Variants in WHAMM observed in about 807,000 individuals in gnomAD.
WHAMM encodes WASP homolog associated with actin, golgi membranes and microtubules, also known as WASP homolog-associated protein with actin, membranes and microtubules.
Under a neutral mutation model 76.5 loss-of-function variants are expected in WHAMM, and 67 were observed. That is an observed-to-expected ratio of 0.88 (90% CI 0.72 to 1.07). The LOEUF (loss-of-function observed/expected upper bound fraction) is 1.07. Among genes scored for constraint, WHAMM ranks in the 50% least tolerant of loss-of-function variants. The pLI is 0.00. For missense variants in WHAMM, 1,021 were observed against 1,051.1 expected (o/e 0.97, Z 0.40); for synonymous variants, 419 against 422.1 (o/e 0.99, Z 0.09).
At chr15:82,832,542 G>T (rs1436613271) in intron 9 of WHAMM, among the ~76,000 whole-genome samples, 2 of 152,090 alleles carry the variant, frequency 1.3e-5, no homozygotes, top group Non-Finnish European at 2.9e-5. Context: ...TGATCTAATT[G>T]TGTTTTGACA....
intron 9 of WHAMM, 68 bp from the exon 10 acceptor site, chr15:82,833,161 A>G (rs945847992): frequency 1.4e-4 from 209 of 1,485,764 alleles, no homozygotes; most frequent in Non-Finnish European, 1.8e-4. Context: ...TCACAATTTC[A>G]TAGCAGTAAT....
chr15:82,828,966 T>G (rs1046898762), intron 8 of WHAMM, among the ~76,000 whole-genome samples: 2 of 152,124 alleles, frequency 1.3e-5, no homozygotes, highest in African/African-American at 4.8e-5. Context: ...ATAAGGGAGT[T>G]CTGTGTTTAC....
At chr15:82,820,606 G>C (rs1426277848) in intron 5 of WHAMM, among the ~76,000 whole-genome samples, 1 of 151,946 alleles carries the variant, frequency 6.6e-6, no homozygotes, top group Non-Finnish European at 1.5e-5. Context: ...TTAAAATGAT[G>C]CTCCCAGGCT....
chr15:82,823,682 T>C (rs551480814), intron 6 of WHAMM, among the ~76,000 whole-genome samples: 65 of 152,168 alleles, frequency 4.3e-4, no homozygotes, highest in African/African-American at 1.3e-3. Flanking sequence ...CCTCATGCCT[T>C]AGCCTGCCAA....
At chr15:82,825,286 A>G (rs2050911900) in intron 6 of WHAMM, among the ~76,000 whole-genome samples, 1 of 152,280 alleles carries the variant, frequency 6.6e-6, no homozygotes, top group East Asian at 1.9e-4. Context: ...CATGAGCCCC[A>G]GGAAGACTCT....
intron 6 of WHAMM, 44 bp downstream of exon 6, chr15:82,823,331 G>A (rs2050869515): frequency 7.5e-7 from 1 of 1,332,582 alleles, no homozygotes; most frequent in South Asian, 2.7e-5. Context: ...CTCTTTCAGA[G>A]ATTTATTCTT....
At chr15:82,825,175 ATGTTTG>A (rs1281592664) in intron 6 of WHAMM, among the ~76,000 whole-genome samples, 1 of 152,206 alleles carries the variant, frequency 6.6e-6, no homozygotes, top group Non-Finnish European at 1.5e-5. Flanking sequence ...TATTCTTTGC[ATGTTTG>A]TGTTTAAGAA....
chr15:82,809,968 TG>T lies in WHAMM; in HGVS notation c.243del (p.Leu82SerfsTer134). The T allele has an allele frequency of 7.6e-7, 1 of 1,320,456 alleles. No individual in the cohort carries two copies. The highest frequency in any genetic ancestry group is 9.7e-7 in the Non-Finnish European group (1 of 1,035,012). The allele number at this position is 1,320,456 out of a possible 1,614,324, so 81.8% of individuals were successfully genotyped here. On this transcript the variant is annotated frameshift_variant, in exon 1 of 10. Coordinates refer to ENST00000286760, the MANE Select transcript of WHAMM (RefSeq NM_001080435.3). LOFTEE classifies it high-confidence loss of function. ...AAVSPSSWAG[L>X]LSAAGLRGAH... ...GTCTCCCCGTCCAGCTGGGCCGGCCTGCTCTCGGCCGCGGGGCTCCGCGGCG... is the reference window on the plus strand; with the variant it reads ...GTCTCCCCGTCCAGCTGGGCCGGCCTCTCTCGGCCGCGGGGCTCCGCGGCG...
chr15:82,824,154 CT>C (rs2050887717), intron 6 of WHAMM, among the ~76,000 whole-genome samples: 1 of 88,584 alleles, frequency 1.1e-5, no homozygotes, highest in Non-Finnish European at 2.6e-5. Context: ...ATTTACTATA[CT>C]TTTCTCCTTT....
chr15:82,831,191 G>A (rs1324041334), intron 9 of WHAMM, 112 bp downstream of exon 9: 1 of 1,492,204 alleles, frequency 6.7e-7, no homozygotes, highest in African/African-American at 1.4e-5. Flanking sequence ...ATTCTCTATA[G>A]CCTTAAAATA....
intron 3 of WHAMM, among the ~76,000 whole-genome samples, chr15:82,817,444 A>C (rs545724321): frequency 6.6e-6 from 1 of 152,340 alleles, no homozygotes; most frequent in South Asian, 2.1e-4. Flanking sequence ...AGTAGGAAAC[A>C]ACTTAACGTC....
In WHAMM at chr15:82,826,732, T is replaced by C. The variant is rs1169650749; in HGVS notation, c.1546-19T>C. Reference sequence around the variant, plus strand: ...TGTAATGTTGAGCAATTTACAAATATACATTTGTTTAAATATAGAAAAGAG... The same window carrying C: ...TGTAATGTTGAGCAATTTACAAATACACATTTGTTTAAATATAGAAAAGAG... On this transcript the variant is annotated intron_variant, in intron 7 of 9. Coordinates refer to ENST00000286760, the MANE Select transcript of WHAMM (RefSeq NM_001080435.3). 7 of 1,532,942 alleles carry C rather than the reference T, an allele frequency of 4.6e-6. No individual in the cohort carries two copies. In the East Asian group the frequency reaches 1.2e-4, roughly 27 times the overall value. 95.0% of individuals were successfully genotyped at this position (1,532,942 alleles called of 1,614,324 possible). A position where few individuals can be genotyped will look rare whatever the true frequency, so the allele number is the denominator to read the frequency against.
At chr15:82,818,227 A>G in intron 4 of WHAMM, 138 bp downstream of exon 4, 1 of 848,746 alleles carries the variant, frequency 1.2e-6, no homozygotes, top group Non-Finnish European at 1.8e-6. Flanking sequence ...TTTTAGTGTA[A>G]TCATCACCTG....
chr15:82,827,517 A>G (rs1219105520), intron 8 of WHAMM, among the ~76,000 whole-genome samples: 2 of 152,196 alleles, frequency 1.3e-5, no homozygotes, highest in Non-Finnish European at 2.9e-5. Context: ...ATTGACACAT[A>G]ATCATTGTAC....
At chr15:82,831,349 T>G (rs190849064) in intron 9 of WHAMM, among the ~76,000 whole-genome samples, 24 of 152,366 alleles carry the variant, frequency 1.6e-4, no homozygotes, top group African/African-American at 5.3e-4. Flanking sequence ...TTTCTGAGGT[T>G]GTTAAAGTAT....
intron 4 of WHAMM, 96 bp from the exon 5 acceptor site, chr15:82,819,227 T>C: frequency 2.1e-6 from 1 of 470,200 alleles, no homozygotes; most frequent in Non-Finnish European, 3.5e-6. Flanking sequence ...TATTTAGTAC[T>C]GAACAAGGAA....
chr15:82,809,676 G>T lies in WHAMM; in HGVS notation c.-51G>T. ...GACTGTCCCGTGACAGGCGGTGCGA[G>T]GAGGCCAGGCCCGCGCCCGCCGAGC... On this transcript the variant is annotated 5_prime_UTR_variant, in exon 1 of 10. It adds an upstream start codon to the 5' untranslated region. Transcript: ENST00000286760. The T allele has an allele frequency of 7.6e-7, 1 of 1,312,002 alleles. No homozygotes were observed. The highest frequency in any genetic ancestry group is 9.8e-7 in the Non-Finnish European group (1 of 1,017,510). 81.3% of individuals were successfully genotyped at this position (1,312,002 alleles called of 1,614,324 possible). A position where few individuals can be genotyped will look rare whatever the true frequency, so the allele number is the denominator to read the frequency against.
chr15:82,835,416 A>G lies in WHAMM; in HGVS notation c.*1880A>G, dbSNP rs1026416679. 1 of 152,340 alleles carries G rather than the reference A, an allele frequency of 6.6e-6. No individual in the cohort carries two copies. Among genetic ancestry groups the G allele is most frequent in the African/African-American group, 2.4e-5 (1 of 41,448 alleles). 9.4% of individuals were successfully genotyped at this position (152,340 alleles called of 1,614,324 possible). A position where few individuals can be genotyped will look rare whatever the true frequency, so the allele number is the denominator to read the frequency against. On this transcript the variant is annotated 3_prime_UTR_variant, in exon 10 of 10. Transcript: ENST00000286760. ...GGGGGTTACAGGCGTGAGCCACCAC[A>G]CCTGGCCTTCCAGTGTCTTAACTAA...
At chr15:82,810,572 C>T in intron 1 of WHAMM, 1 of 985,434 alleles carries the variant, frequency 1.0e-6, no homozygotes, top group Non-Finnish European at 1.2e-6. Flanking sequence ...GTACTTGCAG[C>T]TGGGAGCTGG....
Sources: allele counts gnomAD v4.1 joint callset (sites outside exome capture counted in the v4.1 genomes callset), GRCh38; gene constraint gnomAD v4.1.1; transcripts MANE v1.5; gene names NCBI Gene and HGNC (gene_info 2026-07-23, HGNC 2026-07-21).